TDRP: variants seen among roughly 807,000 people sequenced by gnomAD.
TDRP encodes testis development related protein, also known as testis development-related protein.
TDRP carries 12 observed loss-of-function variants against 10.5 expected under a neutral mutation model. The observed-to-expected ratio is 1.15, with a 90% CI of 0.73 to 1.86. The LOEUF is 1.86. Among genes scored for constraint, TDRP ranks in the 40% most tolerant of loss-of-function variants. The pLI is 0.00. For synonymous variants in TDRP, 139 were observed against 95.4 expected (o/e 1.46, Z -2.67); for missense variants, 353 against 229.2 (o/e 1.54, Z -3.49).
At chr8:531,754 AATC>A (rs1352441586) in intron 1 of TDRP, among the ~76,000 whole-genome samples, 1 of 152,246 alleles carries the variant, frequency 6.6e-6, no homozygotes, top group Non-Finnish European at 1.5e-5. Context: ...TTGAAATATT[AATC>A]ATCTTCAGTC....
intron 1 of TDRP, among the ~76,000 whole-genome samples, chr8:505,802 A>G (rs954357051): frequency 2.0e-5 from 3 of 152,186 alleles, no homozygotes; most frequent in African/African-American, 4.8e-5. Context: ...AAAAACTCTC[A>G]AACTGCAGGG....
chr8:526,763 A>T (rs1055462478), intron 1 of TDRP, among the ~76,000 whole-genome samples: 2 of 152,214 alleles, frequency 1.3e-5, no homozygotes, highest in African/African-American at 2.4e-5. Flanking sequence ...TACTGAAGGG[A>T]AAAATGAAAT....
intron 1 of TDRP, among the ~76,000 whole-genome samples, chr8:497,829 T>A (rs1801176676): frequency 6.6e-6 from 1 of 152,148 alleles, no homozygotes; most frequent in Non-Finnish European, 1.5e-5. Flanking sequence ...GGACATGGTG[T>A]CCTGTGTCCC....
chr8:506,021 G>A (rs1257065269), intron 1 of TDRP, among the ~76,000 whole-genome samples: 1 of 152,144 alleles, frequency 6.6e-6, no homozygotes, highest in African/African-American at 2.4e-5. Flanking sequence ...TAATGGCTGG[G>A]GGTCTGGGTG....
chr8:529,829 A>G (rs1802139594), intron 1 of TDRP, among the ~76,000 whole-genome samples: 1 of 152,194 alleles, frequency 6.6e-6, no homozygotes, highest in Non-Finnish European at 1.5e-5. Flanking sequence ...CAATTTGATT[A>G]AAATCTTTCT....
intron 1 of TDRP, among the ~76,000 whole-genome samples, chr8:517,760 T>G (rs539905787): frequency 1.3e-5 from 2 of 152,206 alleles, no homozygotes; most frequent in African/African-American, 4.8e-5. Context: ...TACAGCAAAA[T>G]TGTCATTGTG....
chr8:526,693 G>A (rs957419191), intron 1 of TDRP, among the ~76,000 whole-genome samples: 1 of 152,064 alleles, frequency 6.6e-6, no homozygotes, highest in Non-Finnish European at 1.5e-5. Context: ...GGTTTTATAT[G>A]AGGGCAATAC....
chr8:517,005 G>A (rs959124108), intron 1 of TDRP, among the ~76,000 whole-genome samples: 1 of 152,172 alleles, frequency 6.6e-6, no homozygotes, highest in African/African-American at 2.4e-5. Context: ...TAAGCCTCCT[G>A]ATGCACTGAA....
chr8:512,522 G>C (rs376311605), intron 1 of TDRP, among the ~76,000 whole-genome samples: 1 of 151,982 alleles, frequency 6.6e-6, no homozygotes, highest in Non-Finnish European at 1.5e-5. Context: ...AGAAATGAAA[G>C]AGGAGACATT....
intron 1 of TDRP, among the ~76,000 whole-genome samples, chr8:531,611 C>G (rs181482164): frequency 5.3e-5 from 8 of 152,348 alleles, no homozygotes. Flanking sequence ...AGGATGCCAT[C>G]TTTAATCACA....
chr8:527,174 CA>C (rs912271532), intron 1 of TDRP, among the ~76,000 whole-genome samples: 8 of 151,652 alleles, frequency 5.3e-5, no homozygotes, highest in Middle Eastern at 3.4e-3. Context: ...TAAAAAAGTA[CA>C]AAAAAAATTA....
intron 1 of TDRP, among the ~76,000 whole-genome samples, chr8:502,358 G>C (rs1355231634): frequency 6.6e-6 from 1 of 152,184 alleles, no homozygotes; most frequent in Non-Finnish European, 1.5e-5. Flanking sequence ...AGACCCATCA[G>C]GCCACAGGAA....
chr8:527,632 G>C (rs546546180), intron 1 of TDRP, among the ~76,000 whole-genome samples: 3 of 152,180 alleles, frequency 2.0e-5, no homozygotes, highest in East Asian at 3.9e-4. Flanking sequence ...TTTTTACAAA[G>C]ATACCAAGAA....
chr8:520,299 G>T (rs865935522), intron 1 of TDRP, among the ~76,000 whole-genome samples: 20 of 152,002 alleles, frequency 1.3e-4, no homozygotes, highest in Middle Eastern at 6.8e-3. Flanking sequence ...CTTTTCTAAG[G>T]CTGAATAATA....
intron 1 of TDRP, among the ~76,000 whole-genome samples, chr8:522,743 C>A (rs1823256): frequency 7.9e-5 from 12 of 151,994 alleles, no homozygotes; most frequent in Non-Finnish European, 1.2e-4. Flanking sequence ...CAACCCCTGC[C>A]TCTGATTCCT....
Position 491,843 on chromosome 8 carries a change from C to T in TDRP, c.*556G>A. The T allele has an allele frequency of 1.6e-6, 2 of 1,228,354 alleles. No individual in the cohort carries two copies. The highest frequency in any genetic ancestry group is 2.0e-6 in the Non-Finnish European group (2 of 984,922). The allele number at this position is 1,228,354 out of a possible 1,614,324, so 76.1% of individuals were successfully genotyped here. On this transcript the variant is annotated 3_prime_UTR_variant, in exon 3 of 3. Transcript: ENST00000324079. ...AACATGCATTTTAAGATACATTTTA[C>T]TCCCAAATATAAGCTTTGCTTTTCC...
intron 1 of TDRP, among the ~76,000 whole-genome samples, chr8:526,036 T>C (rs1802026355): frequency 6.6e-6 from 1 of 152,226 alleles, no homozygotes; most frequent in Non-Finnish European, 1.5e-5. Flanking sequence ...ACAGGTTGTA[T>C]GTATTTCTTC....
chr8:513,661 G>C (rs1314000112), intron 1 of TDRP, among the ~76,000 whole-genome samples: 1 of 152,132 alleles, frequency 6.6e-6, no homozygotes, highest in African/African-American at 2.4e-5. Flanking sequence ...ACAGCAATTA[G>C]ACAAGAAAAG....
chr8:508,885 T>A (rs1801536609), intron 1 of TDRP, among the ~76,000 whole-genome samples: 1 of 152,204 alleles, frequency 6.6e-6, no homozygotes, highest in Admixed American at 6.5e-5. Context: ...GCTAGTTACT[T>A]CCTAGATACA....
Sources: gnomAD v4.1 joint callset for allele counts (sites outside exome capture counted in the v4.1 genomes callset) on GRCh38, gnomAD v4.1.1 for gene constraint, MANE v1.5 for transcripts, NCBI Gene and HGNC (gene_info 2026-07-23, HGNC 2026-07-21) for gene names.